The following UNC13C variants were observed in gnomAD, a reference collection of about 807,000 sequenced individuals.
The protein encoded by UNC13C is unc-13 homolog C.
UNC13C carries 174 observed loss-of-function variants against 245.4 expected under a neutral mutation model. The observed-to-expected ratio is 0.71, with a 90% CI of 0.63 to 0.80. The LOEUF is 0.80. Among genes scored for constraint, UNC13C ranks in the 30% least tolerant of loss-of-function variants. The pLI, the probability that UNC13C is intolerant of heterozygous loss-of-function variation, is 0.00. For missense variants in UNC13C, 2,829 were observed against 2,602.9 expected, an observed-to-expected ratio of 1.09 and a Z score of -1.89; for synonymous variants, 992 against 895.1, an observed-to-expected ratio of 1.11 and a Z score of -1.93.
intron 30 of UNC13C, among the ~76,000 whole-genome samples, chr15:54,604,753 G>A (rs552229987): frequency 6.6e-6 from 1 of 152,152 alleles, no homozygotes; most frequent in Admixed American, 6.5e-5. Context: ...TGTTCTGGAG[G>A]ACTCTGAGTT....
At chr15:54,254,750 A>G (rs1321528505) in intron 8 of UNC13C, among the ~76,000 whole-genome samples, 2 of 152,222 alleles carry the variant, frequency 1.3e-5, no homozygotes, top group Non-Finnish European at 2.9e-5. Flanking sequence ...TTCCTAACTT[A>G]TAAATAAGTT....
At chr15:54,248,520 T>C (rs1302391231) in intron 7 of UNC13C, among the ~76,000 whole-genome samples, 1 of 152,010 alleles carries the variant, frequency 6.6e-6, no homozygotes, top group Non-Finnish European at 1.5e-5. Flanking sequence ...AACAGTTCTT[T>C]ATAAGACATC....
Position 54,502,311 on chromosome 15 carries a change from A to T in UNC13C, c.5301+1333A>T, listed in dbSNP as rs187662942. Among the ~76,000 whole-genome samples the T allele has an allele frequency of 2.0e-5, 3 of 152,300 alleles. No individual in the cohort carries two copies. In the East Asian group the frequency reaches 5.8e-4, roughly 29 times the overall value. On this transcript the variant is annotated intron_variant, in intron 22 of 32. Transcript: ENST00000260323. ...AATGTTATAATCAGAGCATCTCAGA[A>T]GTTGAAAGAGGCCCAGAATATAGAT...
At chr15:53,936,308 G>T in the UNC13C span, among the ~76,000 whole-genome samples, 2 of 152,152 alleles carry the variant, frequency 1.3e-5, no homozygotes, top group Admixed American at 6.5e-5. Context: ...CCTCATCACT[G>T]GGTAGGGGCT....
intron 30 of UNC13C, among the ~76,000 whole-genome samples, chr15:54,609,012 T>C (rs944172314): frequency 6.6e-6 from 1 of 152,192 alleles, no homozygotes; most frequent in Non-Finnish European, 1.5e-5. Flanking sequence ...TATTTCAACA[T>C]TAGCTTCTAA....
chr15:54,476,456 T>A (rs1425806457), intron 19 of UNC13C, among the ~76,000 whole-genome samples: 3 of 146,096 alleles, frequency 2.1e-5, no homozygotes, highest in African/African-American at 7.6e-5. Context: ...AACGTTTAAG[T>A]CTTTAATCTA....
intron 2 of UNC13C, among the ~76,000 whole-genome samples, chr15:54,127,734 A>G (rs919217112): frequency 1.5e-5 from 2 of 130,096 alleles, no homozygotes; most frequent in African/African-American, 2.9e-5. Flanking sequence ...TAAAATATAT[A>G]TTAAATATAT....
At chr15:54,238,667 T>A (rs1361239481) in intron 7 of UNC13C, among the ~76,000 whole-genome samples, 1 of 152,246 alleles carries the variant, frequency 6.6e-6, no homozygotes, top group East Asian at 1.9e-4. Flanking sequence ...ATACACCTTT[T>A]CTTTTAAACT....
chr15:53,909,802 T>G, the UNC13C span, among the ~76,000 whole-genome samples: 1 of 146,438 alleles, frequency 6.8e-6, no homozygotes, highest in African/African-American at 2.4e-5. Flanking sequence ...CGTTTCATGT[T>G]GAGTTTATCC....
At chr15:54,553,512 A>G (rs1039562358) in intron 28 of UNC13C, among the ~76,000 whole-genome samples, 10 of 140,476 alleles carry the variant, frequency 7.1e-5, no homozygotes, top group African/African-American at 1.6e-4. Context: ...TATTAAATAT[A>G]TGCTATATAT....
intron 29 of UNC13C, among the ~76,000 whole-genome samples, chr15:54,562,579 A>C (rs980294656): frequency 6.6e-6 from 1 of 151,988 alleles, no homozygotes; most frequent in African/African-American, 2.4e-5. Flanking sequence ...TTTAAGATGC[A>C]TTATTATTGG....
intron 13 of UNC13C, among the ~76,000 whole-genome samples, chr15:54,304,443 C>G (rs1421322723): frequency 1.3e-5 from 2 of 151,930 alleles, no homozygotes; most frequent in African/African-American, 2.4e-5. Context: ...GCACTGAATA[C>G]TTATCATGAC....
At chr15:54,377,530 C>T (rs62012040) in intron 17 of UNC13C, among the ~76,000 whole-genome samples, 30,381 of 152,142 alleles carry the variant, frequency 0.2, 3,105 homozygotes, top group Middle Eastern at 0.25. Context: ...CTATGAAGTA[C>T]TTAAAACTTG....
chr15:53,967,149 T>C, the UNC13C span, among the ~76,000 whole-genome samples: 2 of 152,072 alleles, frequency 1.3e-5, no homozygotes, highest in Non-Finnish European at 2.9e-5. Flanking sequence ...AACTATGAAC[T>C]ATTAGGTTAC....
intron 2 of UNC13C, among the ~76,000 whole-genome samples, chr15:54,060,533 G>T (rs891182612): frequency 9.1e-4 from 138 of 152,324 alleles, no homozygotes; most frequent in Non-Finnish European, 1.6e-3. Flanking sequence ...CTGTAAACTA[G>T]TTCAACCATT....
At chr15:53,934,309 A>C in the UNC13C span, among the ~76,000 whole-genome samples, 4 of 152,004 alleles carry the variant, frequency 2.6e-5, no homozygotes, top group Non-Finnish European at 4.4e-5. Context: ...TATATCAAAC[A>C]CTCACACCTC....
At chr15:53,877,754 C>T in the UNC13C span, among the ~76,000 whole-genome samples, 35 of 152,264 alleles carry the variant, frequency 2.3e-4, no homozygotes, top group Non-Finnish European at 4.4e-4. Context: ...TGTACTTATC[C>T]GTGTAAACAA....
the UNC13C span, among the ~76,000 whole-genome samples, chr15:53,892,444 C>G: frequency 3.3e-5 from 5 of 152,160 alleles, no homozygotes; most frequent in African/African-American, 1.2e-4. Context: ...TGGGGAAGTT[C>G]TCCTGGATAA....
In UNC13C at chr15:54,317,138, A is replaced by G. The variant is rs569970436; in HGVS notation, c.4269-4801A>G. ...AATTCTAATCAATTTTCATAGATGA[A>G]TGTATTATAATTACTATTTGACTAT... On this transcript the variant is annotated intron_variant, in intron 13 of 32. Transcript: ENST00000260323. Among the ~76,000 whole-genome samples, 152 of 152,066 alleles carry G rather than the reference A, an allele frequency of 1.0e-3. 1 individual carries two copies. Among genetic ancestry groups the G allele is most frequent in the African/African-American group, 3.3e-3 (137 of 41,538 alleles).
Sources: allele counts gnomAD v4.1 joint callset (sites outside exome capture counted in the v4.1 genomes callset), GRCh38; gene constraint gnomAD v4.1.1; transcripts MANE v1.5; gene names NCBI Gene and HGNC (gene_info 2026-07-23, HGNC 2026-07-21).